The following UBE2E3 variants were observed in gnomAD, a reference collection of about 807,000 sequenced individuals.
UBE2E3 encodes ubiquitin-conjugating enzyme E2 E3.
A neutral mutation model predicts 23.6 loss-of-function variants in UBE2E3; 5 were observed. That is an observed-to-expected ratio of 0.21 (90% CI 0.11 to 0.44). The LOEUF (loss-of-function observed/expected upper bound fraction) is 0.44. UBE2E3 is among the 20% of genes least tolerant of loss of function. The pLI, the probability that UBE2E3 is intolerant of heterozygous loss-of-function variation, is 0.99. For missense variants in UBE2E3, 81 were observed against 249.8 expected, an observed-to-expected ratio of 0.32 and a Z score of 4.55; for synonymous variants, 78 against 87.5, an observed-to-expected ratio of 0.89 and a Z score of 0.60.
chr2:180,997,868 G>A (rs1049374655), intron 3 of UBE2E3, among the ~76,000 whole-genome samples: 7 of 152,024 alleles, frequency 4.6e-5, no homozygotes, highest in African/African-American at 1.4e-4. Context: ...ACATCTTTTT[G>A]TGAAGCCCTT....
chr2:181,007,511 T>C (rs1045885635), intron 3 of UBE2E3, among the ~76,000 whole-genome samples: 18 of 139,332 alleles, frequency 1.3e-4, no homozygotes, highest in Admixed American at 3.6e-4. Context: ...TTTTTTTTTT[T>C]TTTCTTTCTT....
chr2:181,041,313 C>G (rs957356027), intron 3 of UBE2E3, among the ~76,000 whole-genome samples: 1 of 150,544 alleles, frequency 6.6e-6, no homozygotes, highest in Non-Finnish European at 1.5e-5. Flanking sequence ...AAGCCCTTTA[C>G]CTCTCCTCAT....
chr2:181,040,921 C>CT (rs1398086008), intron 3 of UBE2E3, among the ~76,000 whole-genome samples: 39 of 141,562 alleles, frequency 2.8e-4, no homozygotes, highest in Non-Finnish European at 5.5e-4. Context: ...TTAGAGGTTC[C>CT]TTCTGATGCT....
At chr2:181,005,790 C>G (rs146117957) in intron 3 of UBE2E3, among the ~76,000 whole-genome samples, 1 of 152,194 alleles carries the variant, frequency 6.6e-6, no homozygotes, top group East Asian at 1.9e-4. Context: ...TTTTGTGAAT[C>G]TGAAGTTACC....
intron 3 of UBE2E3, among the ~76,000 whole-genome samples, chr2:181,057,251 C>T (rs1455152530): frequency 6.6e-6 from 1 of 151,716 alleles, no homozygotes; most frequent in East Asian, 1.9e-4. Context: ...AATGTATTTA[C>T]TGAAATTGTA....
intron 3 of UBE2E3, among the ~76,000 whole-genome samples, chr2:181,040,161 T>C (rs1328616227): frequency 6.6e-6 from 1 of 152,206 alleles, no homozygotes; most frequent in African/African-American, 2.4e-5. Context: ...GGGAGGAAAA[T>C]ATGTTTGCGT....
At chr2:181,024,704 C>T (rs1685824076) in intron 3 of UBE2E3, among the ~76,000 whole-genome samples, 1 of 151,886 alleles carries the variant, frequency 6.6e-6, no homozygotes. Flanking sequence ...CTTATATGCT[C>T]ATCATCTAGA....
chr2:181,053,168 T>C (rs1419563576), intron 3 of UBE2E3, among the ~76,000 whole-genome samples: 2 of 151,848 alleles, frequency 1.3e-5, no homozygotes, highest in Non-Finnish European at 2.9e-5. Context: ...CCAGAGTGAA[T>C]ACCTGCCAAC....
In UBE2E3 at chr2:180,982,093, T is replaced by C; in HGVS notation, c.51T>C (p.Ser17=). The C allele has an allele frequency of 6.2e-7, 1 of 1,610,572 alleles. No homozygotes were observed. The highest frequency in any genetic ancestry group is 8.5e-7 in the Non-Finnish European group (1 of 1,178,666). The change falls in exon 2 of 6, where the codon AGT becomes AGC. Residue 17 remains serine (S), a synonymous_variant. Coordinates refer to ENST00000410062, the MANE Select transcript of UBE2E3 (RefSeq NM_006357.4). ...RSDDESPSTS[S]GSSDADQRDP... ...ATGATGAGAGCCCCAGCACCAGCAG[T>C]GGCAGTTCAGATGCGGACCAGCGAG... is the stretch of plus-strand genomic sequence containing the variant.
At chr2:181,059,635 A>G (rs2105482533) in intron 4 of UBE2E3, among the ~76,000 whole-genome samples, 1 of 151,732 alleles carries the variant, frequency 6.6e-6, no homozygotes, top group African/African-American at 2.4e-5. Flanking sequence ...GAAATCTGGT[A>G]TTTATTTTAC....
At chr2:180,999,193 C>T (rs1039551865) in intron 3 of UBE2E3, among the ~76,000 whole-genome samples, 12 of 152,128 alleles carry the variant, frequency 7.9e-5, no homozygotes, top group African/African-American at 2.9e-4. Flanking sequence ...AATAATACCC[C>T]TCCACAAAGG....
intron 3 of UBE2E3, among the ~76,000 whole-genome samples, chr2:181,034,211 T>G (rs1489255455): frequency 6.6e-6 from 1 of 152,190 alleles, no homozygotes; most frequent in Non-Finnish European, 1.5e-5. Flanking sequence ...CATGCTGCTA[T>G]AAAGACACAT....
chr2:180,992,141 T>G lies in UBE2E3; in HGVS notation c.245+8048T>G, dbSNP rs188145444. On this transcript the variant is annotated intron_variant, in intron 3 of 5. Transcript: ENST00000410062. ...TGTTTTTGGTTTGTTGGGTTTTTTG[T>G]CTTGTAACTTGTATGCTTAAGAGTT... is the stretch of plus-strand genomic sequence containing the variant. Among the ~76,000 whole-genome samples, 162 of 152,330 alleles carry G rather than the reference T, an allele frequency of 1.1e-3. 4 individuals are homozygous for G. The highest frequency in any genetic ancestry group is 0.01 in the Admixed American group (160 of 15,300).
intron 3 of UBE2E3, among the ~76,000 whole-genome samples, chr2:181,006,130 C>G (rs11896331): frequency 6.6e-6 from 1 of 152,044 alleles, no homozygotes; most frequent in Admixed American, 6.6e-5. Context: ...GACAGCAAGG[C>G]AGAACTGGAG....
At chr2:181,016,791 A>AT (rs1389460127) in intron 3 of UBE2E3, among the ~76,000 whole-genome samples, 1 of 152,236 alleles carries the variant, frequency 6.6e-6, no homozygotes, top group African/African-American at 2.4e-5. Flanking sequence ...AAACTGCTTG[A>AT]TAAATAAGAA....
chr2:181,038,607 G>C (rs62181565), intron 3 of UBE2E3, among the ~76,000 whole-genome samples: 42 of 152,166 alleles, frequency 2.8e-4, no homozygotes, highest in African/African-American at 9.4e-4. Context: ...TAATTGGCAG[G>C]TGGAACTTAA....
intron 3 of UBE2E3, among the ~76,000 whole-genome samples, chr2:181,050,305 A>G (rs1434920239): frequency 6.6e-6 from 1 of 151,902 alleles, no homozygotes; most frequent in Non-Finnish European, 1.5e-5. Context: ...AACTCTTTCA[A>G]AACTTGAATT....
intron 3 of UBE2E3, among the ~76,000 whole-genome samples, chr2:180,990,212 AT>A (rs1370748722): frequency 6.6e-6 from 1 of 152,106 alleles, no homozygotes; most frequent in Non-Finnish European, 1.5e-5. Flanking sequence ...GCCCAGAGAT[AT>A]TTTTTGCTTT....
chr2:181,048,406 G>A (rs1411982621), intron 3 of UBE2E3, among the ~76,000 whole-genome samples: 2 of 152,030 alleles, frequency 1.3e-5, no homozygotes, highest in African/African-American at 2.4e-5. Context: ...TATTGTTAAA[G>A]CTTAAATACT....
Sources: gnomAD v4.1 joint callset for allele counts (sites outside exome capture counted in the v4.1 genomes callset) on GRCh38, gnomAD v4.1.1 for gene constraint, MANE v1.5 for transcripts, NCBI Gene and HGNC (gene_info 2026-07-23, HGNC 2026-07-21) for gene names.